Variants in ARHGEF26 observed in about 807,000 individuals in gnomAD.
ARHGEF26 encodes the protein Rho guanine nucleotide exchange factor (GEF) 26.
Under a neutral mutation model 89.4 loss-of-function variants are expected in ARHGEF26, and 59 were observed. The observed-to-expected ratio is 0.66, with a 90% confidence interval of 0.54 to 0.82. ARHGEF26 has a LOEUF of 0.82. ARHGEF26 is among the 40% of genes least tolerant of loss of function. ARHGEF26 has a pLI of 0.00. For missense variants in ARHGEF26, 1,234 were observed against 1,085.6 expected (o/e 1.14, Z -1.92); for synonymous variants, 500 against 428.4 (o/e 1.17, Z -2.06).
In ARHGEF26 at chr3:154,122,612, A is replaced by G. The variant is rs2108029770; in HGVS notation, c.620A>G (p.Gln207Arg). Reference sequence around the variant, plus strand: ...GAACGGGGGCTCTTTCCTGGGCCCCAGAAAAGTTCTTCGGAACAAAAACTC... The same window carrying G: ...GAACGGGGGCTCTTTCCTGGGCCCCGGAAAAGTTCTTCGGAACAAAAACTC... Reference protein sequence around the residue: ...DPERGLFPGPQKSSSEQKLPL... With the variant: ...DPERGLFPGPRKSSSEQKLPL... The change falls in exon 2 of 15, where the codon CAG (glutamine) becomes CGG (arginine). Residue 207 changes from glutamine to arginine, a missense_variant. Gln to Arg is a conservative substitution (Grantham distance 43, BLOSUM62 1). Coordinates refer to ENST00000465093, the MANE Select transcript of ARHGEF26 (RefSeq NM_015595.4). 1 of 1,613,780 alleles carries G rather than the reference A, an allele frequency of 6.2e-7. No homozygotes were observed. The highest frequency in any genetic ancestry group is 1.7e-5 in the Admixed American group (1 of 60,028).
At chr3:154,154,021 C>A (rs1448627126) in intron 6 of ARHGEF26, among the ~76,000 whole-genome samples, 2 of 152,048 alleles carry the variant, frequency 1.3e-5, no homozygotes, top group East Asian at 1.9e-4. Flanking sequence ...TCCATTAATT[C>A]ATTAAGGATT....
intron 9 of ARHGEF26, among the ~76,000 whole-genome samples, chr3:154,215,002 A>G (rs1275362953): frequency 6.6e-6 from 1 of 152,196 alleles, no homozygotes; most frequent in African/African-American, 2.4e-5. Context: ...AATAGAATAA[A>G]TATATTGGGG....
chr3:154,243,875 TA>T (rs1415904423), intron 12 of ARHGEF26, among the ~76,000 whole-genome samples: 1 of 152,072 alleles, frequency 6.6e-6, no homozygotes, highest in Admixed American at 6.6e-5. Flanking sequence ...AAAAGACTAT[TA>T]AAAAACCTGG....
Position 154,171,267 on chromosome 3 carries a change from C to T in ARHGEF26, c.1488-16418C>T, listed in dbSNP as rs563472818. On this transcript the variant is annotated intron_variant, in intron 6 of 14. Coordinates refer to ENST00000465093, the MANE Select transcript of ARHGEF26 (RefSeq NM_015595.4). ...CAGCAAGTACAGAGTTCTTATATAC[C>T]CCCTGATGCTGCTCCCACCCCACAC... Among the ~76,000 whole-genome samples the T allele has an allele frequency of 7.2e-5, 11 of 152,138 alleles. No homozygotes were observed. In the East Asian group the frequency reaches 7.8e-4, roughly 11 times the overall value.
rs1576838994 is a variant in ARHGEF26, at chr3:154,255,676, A to C, written c.*203A>C. On this transcript the variant is annotated 3_prime_UTR_variant, in exon 15 of 15. Coordinates refer to ENST00000465093, the MANE Select transcript of ARHGEF26 (RefSeq NM_015595.4). ...AGTTTGCACAGCTCAGTTTTTACCT[A>C]ACCACACACTTGCAGACCTCCTGAG... 2.2e-6 allele frequency: 3 copies of C among 1,385,488 alleles called. No individual in the cohort carries two copies. The highest frequency in any genetic ancestry group is 5.3e-5 in the East Asian group (2 of 37,406). The allele number at this position is 1,385,488 out of a possible 1,614,324, so 85.8% of individuals were successfully genotyped here. A position where few individuals can be genotyped will look rare whatever the true frequency, so the allele number is the denominator to read the frequency against.
intron 11 of ARHGEF26, among the ~76,000 whole-genome samples, chr3:154,228,768 G>A (rs1192016385): frequency 1.3e-5 from 2 of 152,136 alleles, no homozygotes; most frequent in Admixed American, 6.5e-5. Flanking sequence ...CATGCCAGAG[G>A]CAACAGTAAA....
At chr3:154,141,071 C>G (rs776606871) in intron 4 of ARHGEF26, among the ~76,000 whole-genome samples, 12 of 151,554 alleles carry the variant, frequency 7.9e-5, no homozygotes, top group Non-Finnish European at 1.6e-4. Flanking sequence ...ACGCAGTTCT[C>G]CTGCCTCAGC....
At chr3:154,157,891 CT>C (rs1711500037) in intron 6 of ARHGEF26, among the ~76,000 whole-genome samples, 3 of 152,104 alleles carry the variant, frequency 2.0e-5, no homozygotes, top group Admixed American at 6.6e-5. Flanking sequence ...ACAGAAAAAT[CT>C]TCAGTAGGGA....
chr3:154,149,488 C>G lies in ARHGEF26; in HGVS notation c.1326+43C>G, dbSNP rs372970595. Reference sequence around the variant, plus strand: ...AGCTGCTTTAGAGCTCTGGAGTGTGCATGTCGGTGTCTGCTTTTTTGTGTT... The same window carrying G: ...AGCTGCTTTAGAGCTCTGGAGTGTGGATGTCGGTGTCTGCTTTTTTGTGTT... On this transcript the variant is annotated intron_variant, in intron 5 of 14. Coordinates refer to ENST00000465093, the MANE Select transcript of ARHGEF26 (RefSeq NM_015595.4). 5.0e-5 allele frequency: 77 copies of G among 1,528,222 alleles called. No homozygotes were observed. The African/African-American group carries it at 1.0e-3, about 20-fold the overall frequency. The allele number at this position is 1,528,222 out of a possible 1,614,324, so 94.7% of individuals were successfully genotyped here.
In ARHGEF26 at chr3:154,122,017, T is replaced by A. The variant is rs139430962; in HGVS notation, c.25T>A (p.Phe9Ile). Residue 9 changes from phenylalanine to isoleucine, a missense_variant, in exon 2 of 15, where the codon TTT becomes ATT. By Grantham distance (21) the Phe-to-Ile change is conservative. Coordinates refer to ENST00000465093, the MANE Select transcript of ARHGEF26 (RefSeq NM_015595.4). MDGESEVDFSSNSITPLWR... is the reference protein window; with the variant it reads MDGESEVDISSNSITPLWR... ...TATGGACGGCGAGAGCGAGGTGGATTTTTCTAGCAACAGCATAACCCCTTT... is the reference window on the plus strand; with the variant it reads ...TATGGACGGCGAGAGCGAGGTGGATATTTCTAGCAACAGCATAACCCCTTT... 9.4e-3 allele frequency: 15,060 copies of A among 1,595,102 alleles called. 141 individuals carry two copies. Among genetic ancestry groups the A allele is most frequent in the South Asian group, 0.025 (2,239 of 90,638 alleles).
intron 9 of ARHGEF26, among the ~76,000 whole-genome samples, chr3:154,210,608 C>T (rs1241205744): frequency 6.6e-6 from 1 of 151,840 alleles, no homozygotes; most frequent in Non-Finnish European, 1.5e-5. Flanking sequence ...AGCCACTGCA[C>T]CTGGCCGCCA....
At chr3:154,234,696 A>G (rs757449511) in intron 11 of ARHGEF26, among the ~76,000 whole-genome samples, 7 of 151,966 alleles carry the variant, frequency 4.6e-5, no homozygotes, top group South Asian at 2.1e-4. Context: ...TCATCAGTCA[A>G]CTCGTGCCCT....
intron 11 of ARHGEF26, among the ~76,000 whole-genome samples, chr3:154,233,222 C>G (rs1217927755): frequency 6.6e-6 from 1 of 152,032 alleles, no homozygotes. Flanking sequence ...TATATTATTC[C>G]ACTAAAAACA....
In ARHGEF26 at chr3:154,245,527, C is replaced by T. The variant is rs72994661; in HGVS notation, c.2300+4948C>T. ...TCCTGGAATGCCCTCTTCAGGCCTCCTCAGATGGCCAGATGGCTCCTCTTA... is the reference window on the plus strand; with the variant it reads ...TCCTGGAATGCCCTCTTCAGGCCTCTTCAGATGGCCAGATGGCTCCTCTTA... On this transcript the variant is annotated intron_variant, in intron 12 of 14. Transcript: ENST00000465093. Among the ~76,000 whole-genome samples, 852 of 152,326 alleles carry T rather than the reference C, an allele frequency of 5.6e-3. 12 individuals carry two copies. Among genetic ancestry groups the T allele is most frequent in the African/African-American group, 0.02 (811 of 41,566 alleles).
Position 154,208,427 on chromosome 3 carries a change from G to T in ARHGEF26, c.1846-9442G>T, listed in dbSNP as rs935654731. 3.9e-5 allele frequency among the ~76,000 whole-genome samples: 6 copies of T among 152,022 alleles called. No individual in the cohort carries two copies. In the East Asian group the frequency reaches 5.8e-4, roughly 15 times the overall value. ...TAAATGCCTTGAGGTAGTCTTTTTT[G>T]GGTTAAATTTGCTTGGCGTTCTGTA... is the stretch of plus-strand genomic sequence containing the variant. On this transcript the variant is annotated intron_variant, in intron 9 of 14. Transcript: ENST00000465093.
chr3:154,134,449 G>A (rs530047262), intron 4 of ARHGEF26, among the ~76,000 whole-genome samples: 22 of 152,228 alleles, frequency 1.4e-4, no homozygotes, highest in African/African-American at 4.1e-4. Flanking sequence ...AGAAACTTCC[G>A]TTTTTAAAAC....
chr3:154,256,824 C>T lies in ARHGEF26; in HGVS notation c.*1351C>T. 6.6e-7 allele frequency: 1 copy of T among 1,522,804 alleles called. No individual in the cohort carries two copies. Among genetic ancestry groups the T allele is most frequent in the Non-Finnish European group, 8.8e-7 (1 of 1,141,926 alleles). 94.3% of individuals were successfully genotyped at this position (1,522,804 alleles called of 1,614,324 possible). A position where few individuals can be genotyped will look rare whatever the true frequency, so the allele number is the denominator to read the frequency against. On this transcript the variant is annotated 3_prime_UTR_variant, in exon 15 of 15. Transcript: ENST00000465093. ...GCCTTAACTTGCTGTATTCAGAGTC[C>T]CTCTTAACTGTGAGTTTCTATAGAA...
At position 154,122,303 on chromosome 3, in the gene ARHGEF26, C is replaced by T; in HGVS notation, c.311C>T (p.Ala104Val). 1 of 1,612,796 alleles carries T rather than the reference C, an allele frequency of 6.2e-7. No homozygotes were observed. The highest frequency in any genetic ancestry group is 2.2e-5 in the East Asian group (1 of 44,848). ...GGTASPEYRA[A>V]SPRLRRPKSP... ...ACGGCATCCCCGGAGTACAGGGCTG[C>T]CTCTCCTCGACTTCGACGGCCCAAG... The change falls in exon 2 of 15, where the codon GCC becomes GTC. Residue 104 changes from alanine (A) to valine (V), a missense_variant. Physicochemically the swap from Ala to Val is moderately conservative, Grantham distance 64 (BLOSUM62 0). Coordinates refer to ENST00000465093, the MANE Select transcript of ARHGEF26 (RefSeq NM_015595.4).
chr3:154,229,529 A>T (rs1716706932), intron 11 of ARHGEF26, among the ~76,000 whole-genome samples: 1 of 152,218 alleles, frequency 6.6e-6, no homozygotes, highest in African/African-American at 2.4e-5. Context: ...ACTAGAAGTT[A>T]TCTGGGTACT....
Sources: allele counts gnomAD v4.1 joint callset (sites outside exome capture counted in the v4.1 genomes callset), GRCh38; gene constraint gnomAD v4.1.1; transcripts MANE v1.5; gene names NCBI Gene and HGNC (gene_info 2026-07-23, HGNC 2026-07-21).